Variants in MARCHF6 observed in about 807,000 individuals in gnomAD.
MARCHF6 encodes the protein E3 ubiquitin-protein ligase MARCHF6.
In MARCHF6, 31 loss-of-function variants were observed where a neutral mutation model predicts 133.7. The observed-to-expected ratio is 0.23, with a 90% confidence interval of 0.17 to 0.31. MARCHF6 has a LOEUF of 0.31. Among genes scored for constraint, MARCHF6 ranks in the 10% least tolerant of loss-of-function variants. The pLI is 1.00. For synonymous variants in MARCHF6, 395 were observed against 402.5 expected, an observed-to-expected ratio of 0.98 and a Z score of 0.22; for missense variants, 723 against 1,121.6, an observed-to-expected ratio of 0.64 and a Z score of 5.08.
chr5:10,377,634 C>G (rs1025946945), intron 1 of MARCHF6, among the ~76,000 whole-genome samples, 164 bp from the exon 2 acceptor site: 4 of 152,202 alleles, frequency 2.6e-5, no homozygotes, highest in Non-Finnish European at 5.9e-5. Flanking sequence ...TAGATAAACA[C>G]TTGAATAGCA....
chr5:10,409,420 A>C (rs1253102539), intron 17 of MARCHF6, among the ~76,000 whole-genome samples: 1 of 152,220 alleles, frequency 6.6e-6, no homozygotes, highest in Non-Finnish European at 1.5e-5. Context: ...ATTCTTGCAG[A>C]AAGTAGGTGC....
At chr5:10,423,641 GATGTGAAATA>G in intron 22 of MARCHF6, 84 bp from the exon 23 acceptor site, 1 of 701,916 alleles carries the variant, frequency 1.4e-6, no homozygotes, top group Non-Finnish European at 2.2e-6. Flanking sequence ...CTTCTATTTT[GATGTGAAATA>G]ATGTAAGAAA....
chr5:10,389,044 C>CTA (rs1737648909), intron 5 of MARCHF6, among the ~76,000 whole-genome samples: 1 of 152,120 alleles, frequency 6.6e-6, no homozygotes, highest in Admixed American at 6.5e-5. Flanking sequence ...AGAGGCCATA[C>CTA]CAGTTTAGTT....
chr5:10,407,017 T>C (rs1738939298), intron 16 of MARCHF6, 85 bp from the exon 17 acceptor site: 1 of 705,504 alleles, frequency 1.4e-6, no homozygotes, highest in Non-Finnish European at 2.5e-6. Context: ...GACTGCATAT[T>C]GCTTGAGTGT....
chr5:10,359,774 G>A lies in MARCHF6; in HGVS notation c.19+5857G>A, dbSNP rs1735699649. Among the ~76,000 whole-genome samples, 4 of 152,154 alleles carry A rather than the reference G, an allele frequency of 2.6e-5. No homozygotes were observed. In the South Asian group the frequency reaches 8.3e-4, roughly 31 times the overall value. On this transcript the variant is annotated intron_variant, in intron 1 of 25. Coordinates refer to ENST00000274140, the MANE Select transcript of MARCHF6 (RefSeq NM_005885.4). ...AATCCCAGCACTTTCGGAGGCGGTGGCAGGCAGATCACCTGAGGTCAGGAG... is the reference window on the plus strand; with the variant it reads ...AATCCCAGCACTTTCGGAGGCGGTGACAGGCAGATCACCTGAGGTCAGGAG...
At chr5:10,430,117 T>C in intron 25 of MARCHF6, 89 bp downstream of exon 25, 4 of 1,431,464 alleles carry the variant, frequency 2.8e-6, no homozygotes, top group Non-Finnish European at 3.8e-6. Flanking sequence ...GAGGGAAACA[T>C]GCTCAGATTC....
chr5:10,386,953 T>C (rs746117570), intron 4 of MARCHF6, 41 bp from the exon 5 acceptor site: 3 of 1,495,738 alleles, frequency 2.0e-6, no homozygotes, highest in Non-Finnish European at 1.9e-6. Flanking sequence ...GAATTCATGA[T>C]GCGAGTTGTG....
chr5:10,415,089 T>C (rs1739428196), intron 20 of MARCHF6, among the ~76,000 whole-genome samples: 1 of 152,258 alleles, frequency 6.6e-6, no homozygotes, highest in African/African-American at 2.4e-5. Flanking sequence ...GTAATGTTTC[T>C]ACATATTAAA....
chr5:10,387,102 T>TG lies in MARCHF6; in HGVS notation c.407+37dup, dbSNP rs762657392. On this transcript the variant is annotated intron_variant, in intron 5 of 25. Coordinates refer to ENST00000274140, the MANE Select transcript of MARCHF6 (RefSeq NM_005885.4). ...AACCTCTGTGACGAATGTTGCATGA[T>TG]GTAGATGATGCTTGCTTTTTTCCTT... The TG allele has an allele frequency of 7.6e-6, 11 of 1,454,832 alleles. No individual in the cohort carries two copies. The African/African-American group carries it at 1.4e-4, about 18-fold the overall frequency. 90.1% of individuals were successfully genotyped at this position (1,454,832 alleles called of 1,614,324 possible). A position where few individuals can be genotyped will look rare whatever the true frequency, so the allele number is the denominator to read the frequency against.
At position 10,435,037 on chromosome 5, in the gene MARCHF6, G is replaced by A. The variant is rs192801353; in HGVS notation, c.*1353G>A. 6.5e-5 allele frequency: 10 copies of A among 152,678 alleles called. No individual in the cohort carries two copies. Among genetic ancestry groups the A allele is most frequent in the African/African-American group, 2.2e-4 (9 of 41,538 alleles). 9.5% of individuals were successfully genotyped at this position (152,678 alleles called of 1,614,324 possible). ...TTTAATGCTAAAGGTATATCGTAAGGGTAGTGTTTGTTTTTGAACGATAAT... is the reference window on the plus strand; with the variant it reads ...TTTAATGCTAAAGGTATATCGTAAGAGTAGTGTTTGTTTTTGAACGATAAT... On this transcript the variant is annotated 3_prime_UTR_variant, in exon 26 of 26. Transcript: ENST00000274140.
chr5:10,429,038 AC>A (rs1740235177), intron 24 of MARCHF6, among the ~76,000 whole-genome samples: 1 of 152,160 alleles, frequency 6.6e-6, no homozygotes, highest in Admixed American at 6.6e-5. Flanking sequence ...TGAGAATCTT[AC>A]CCCAAAGTCT....
chr5:10,365,931 T>C (rs1736114928), intron 1 of MARCHF6, among the ~76,000 whole-genome samples: 1 of 152,068 alleles, frequency 6.6e-6, no homozygotes, highest in Non-Finnish European at 1.5e-5. Context: ...CAAATAGTTA[T>C]ATATACATAT....
intron 1 of MARCHF6, among the ~76,000 whole-genome samples, chr5:10,370,092 ATTTTTTTTT>A (rs762064486): frequency 2.8e-4 from 18 of 64,960 alleles, no homozygotes; most frequent in African/African-American, 9.2e-4. Flanking sequence ...TCTTACTGTG[ATTTTTTTTT>A]TTTTTTTTTT....
chr5:10,432,475 A>G (rs1740416786), intron 25 of MARCHF6, among the ~76,000 whole-genome samples: 1 of 152,180 alleles, frequency 6.6e-6, no homozygotes, highest in Non-Finnish European at 1.5e-5. Context: ...ACTTGTGCCC[A>G]GCCACCTACA....
Position 10,438,874 on chromosome 5 carries a change from A to G in MARCHF6, c.*5190A>G, listed in dbSNP as rs1579634758. ...TTACTCTTTCAGCCTTCTGCAATCT[A>G]GTTCTACTTAGTCACACACTTCTCT... On this transcript the variant is annotated 3_prime_UTR_variant, in exon 26 of 26. Transcript: ENST00000274140. 6.6e-6 allele frequency: 1 copy of G among 152,336 alleles called. No homozygotes were observed. Among genetic ancestry groups the G allele is most frequent in the Admixed American group, 6.5e-5 (1 of 15,298 alleles). 9.4% of individuals were successfully genotyped at this position (152,336 alleles called of 1,614,324 possible).
chr5:10,426,564 T>C (rs746850797), intron 24 of MARCHF6, 42 bp downstream of exon 24: 3 of 1,606,548 alleles, frequency 1.9e-6, no homozygotes, highest in East Asian at 2.2e-5. Context: ...AGCACTTTTA[T>C]TAACATTGGA....
At position 10,418,327 on chromosome 5, in the gene MARCHF6, C is replaced by T. The variant is rs891223853; in HGVS notation, c.2283+923C>T. Among the ~76,000 whole-genome samples the T allele has an allele frequency of 9.3e-5, 14 of 149,884 alleles. No individual in the cohort carries two copies. The Admixed American group carries it at 9.4e-4, about 10-fold the overall frequency. On this transcript the variant is annotated intron_variant, in intron 22 of 25. Coordinates refer to ENST00000274140, the MANE Select transcript of MARCHF6 (RefSeq NM_005885.4). ...CCTGGGAGGCCGCGGTTGCAGTGAG[C>T]TGAGATCATGCTACTGCACTCCAGC...
intron 15 of MARCHF6, among the ~76,000 whole-genome samples, chr5:10,403,836 C>T (rs187087444): frequency 6.6e-6 from 1 of 152,196 alleles, no homozygotes; most frequent in East Asian, 1.9e-4. Flanking sequence ...CTTTAGCCAT[C>T]CTCTAATACA....
chr5:10,415,127 A>C (rs993596328), intron 20 of MARCHF6, among the ~76,000 whole-genome samples: 1 of 152,252 alleles, frequency 6.6e-6, no homozygotes, highest in Non-Finnish European at 1.5e-5. Flanking sequence ...TAAGAGAAGA[A>C]ATTCCCCACT....
Sources: gnomAD v4.1 joint callset for allele counts (sites outside exome capture counted in the v4.1 genomes callset) on GRCh38, gnomAD v4.1.1 for gene constraint, MANE v1.5 for transcripts, NCBI Gene and HGNC (gene_info 2026-07-23, HGNC 2026-07-21) for gene names.